The following ZNF423 variants were observed in gnomAD, a reference collection of about 807,000 sequenced individuals.
ZNF423 encodes zinc finger protein 423, also known as Ebf-associated zinc finger protein.
In ZNF423, 12 loss-of-function variants were observed where a neutral mutation model predicts 95.8. The ratio of observed to expected loss-of-function variants is 0.13; its 90% CI spans 0.08 to 0.20. The LOEUF is 0.20. Among genes scored for constraint, ZNF423 ranks in the 10% least tolerant of loss-of-function variants. The probability of loss-of-function intolerance (pLI) is 1.00; values close to 1 mark genes in which losing one functional copy is unlikely to be tolerated. For missense variants in ZNF423, 1,316 were observed against 1,737.1 expected (o/e 0.76, Z 4.31); for synonymous variants, 749 against 711.9 (o/e 1.05, Z -0.83).
At position 49,758,112 on chromosome 16, in the gene ZNF423, A is replaced by G. The variant is rs559687907; in HGVS notation, c.101-27141T>C. Among the ~76,000 whole-genome samples, 11 of 152,302 alleles carry G rather than the reference A, an allele frequency of 7.2e-5. 1 individual carries two copies. The highest frequency in any genetic ancestry group is 7.2e-4 in the Admixed American group (11 of 15,300). On this transcript the variant is annotated intron_variant, in intron 2 of 7. Transcript: ENST00000563137. ...TGGTTTACCCGGGAGCCTAATCACCAGAAGCTTCCAGATCAGGAATTGTTA... is the reference window on the plus strand; with the variant it reads ...TGGTTTACCCGGGAGCCTAATCACCGGAAGCTTCCAGATCAGGAATTGTTA...
intron 5 of ZNF423, among the ~76,000 whole-genome samples, chr16:49,532,000 G>A (rs1483981684): frequency 1.3e-5 from 2 of 152,212 alleles, no homozygotes; most frequent in East Asian, 3.8e-4. Flanking sequence ...GGGGCTTAGG[G>A]ACGCTGATAT....
chr16:49,582,270 C>T (rs1970698342), intron 5 of ZNF423, among the ~76,000 whole-genome samples: 1 of 152,164 alleles, frequency 6.6e-6, no homozygotes, highest in Non-Finnish European at 1.5e-5. Flanking sequence ...CCATGGCTTC[C>T]TTCCATATTG....
chr16:49,499,596 C>T lies in ZNF423; in HGVS notation c.3850-8292G>A, dbSNP rs188975517. 5.3e-5 allele frequency among the ~76,000 whole-genome samples: 8 copies of T among 152,298 alleles called. No individual in the cohort carries two copies. The East Asian group carries it at 1.5e-3, about 29-fold the overall frequency. Reference sequence around the variant, plus strand: ...TGATGCCAACCGGATCCAGGTTTTCCGTGTTCTTGAGATGCTCTATGGAGC... The same window carrying T: ...TGATGCCAACCGGATCCAGGTTTTCTGTGTTCTTGAGATGCTCTATGGAGC... On this transcript the variant is annotated intron_variant, in intron 7 of 7. Transcript: ENST00000563137.
At chr16:49,807,548 A>G (rs141816296) in intron 1 of ZNF423, among the ~76,000 whole-genome samples, 2 of 152,276 alleles carry the variant, frequency 1.3e-5, no homozygotes, top group East Asian at 1.9e-4. Flanking sequence ...GGCAAGCACA[A>G]TACTTCACGG....
chr16:49,551,294 C>G (rs1241178886), intron 5 of ZNF423, among the ~76,000 whole-genome samples: 1 of 152,202 alleles, frequency 6.6e-6, no homozygotes, highest in African/African-American at 2.4e-5. Context: ...GCTTTTCTGC[C>G]AAAAAGTTTC....
At position 49,800,575 on chromosome 16, in the gene ZNF423, G is replaced by GACAC. The variant is rs71138006; in HGVS notation, c.41-11033_41-11030dup. On this transcript the variant is annotated intron_variant, in intron 1 of 7. Transcript: ENST00000563137. Reference sequence around the variant, plus strand: ...AACTTCCCTGCAAGCACCTGGACATGACACACACACACACACACACACACT... The same window carrying GACAC: ...AACTTCCCTGCAAGCACCTGGACATGACACACACACACACACACACACACACACT... Among the ~76,000 whole-genome samples the GACAC allele has an allele frequency of 2.5e-4, 37 of 150,146 alleles. 1 individual carries two copies. The highest frequency in any genetic ancestry group is 3.5e-3 in the Middle Eastern group (1 of 288).
intron 3 of ZNF423, among the ~76,000 whole-genome samples, chr16:49,717,689 T>A (rs1235835430): frequency 6.6e-6 from 1 of 152,224 alleles, no homozygotes; most frequent in Non-Finnish European, 1.5e-5. Flanking sequence ...CTGTTTGATT[T>A]CAGCTGGTTA....
At chr16:49,658,253 C>T (rs1365429099) in intron 3 of ZNF423, among the ~76,000 whole-genome samples, 1 of 152,166 alleles carries the variant, frequency 6.6e-6, no homozygotes, top group African/African-American at 2.4e-5. Context: ...CGAGGGCGCA[C>T]CTTCATAGCT....
intron 5 of ZNF423, among the ~76,000 whole-genome samples, chr16:49,540,896 T>C (rs1331606682): frequency 6.6e-6 from 1 of 152,172 alleles, no homozygotes; most frequent in African/African-American, 2.4e-5. Context: ...GGGCTGTGCA[T>C]GTGCTGGTGG....
At chr16:49,854,367 C>A (rs1411967825) in intron 1 of ZNF423, 1 of 985,462 alleles carries the variant, frequency 1.0e-6, no homozygotes, top group Non-Finnish European at 1.2e-6. Flanking sequence ...ACAGAACTGA[C>A]GAGTGTCTCA....
At chr16:49,614,273 C>A (rs1240235491) in intron 5 of ZNF423, among the ~76,000 whole-genome samples, 1 of 152,088 alleles carries the variant, frequency 6.6e-6, no homozygotes, top group Admixed American at 6.6e-5. Context: ...ATCAGATTGG[C>A]TAAACTAAAC....
intron 2 of ZNF423, among the ~76,000 whole-genome samples, chr16:49,778,778 C>T (rs1222782512): frequency 4.6e-5 from 7 of 152,174 alleles, no homozygotes; most frequent in East Asian, 1.9e-4. Context: ...CCCATACAGA[C>T]GCAAAGCTCA....
intron 3 of ZNF423, among the ~76,000 whole-genome samples, chr16:49,723,787 C>A (rs906367162): frequency 9.9e-5 from 15 of 152,260 alleles, no homozygotes; most frequent in Admixed American, 7.8e-4. Flanking sequence ...GGATGGCCAC[C>A]TTTTCATCCT....
chr16:49,834,713 G>A (rs1002874981), intron 1 of ZNF423, among the ~76,000 whole-genome samples: 13 of 152,296 alleles, frequency 8.5e-5, no homozygotes, highest in African/African-American at 2.9e-4. Flanking sequence ...GCTGCCACTC[G>A]GAGCACGCTG....
Position 49,636,203 on chromosome 16 carries a change from C to T in ZNF423, c.2973G>A (p.Lys991=), listed in dbSNP as rs536539496. Residue 991 remains lysine (K), a synonymous_variant, in exon 4 of 8, where the codon AAG becomes AAA. Coordinates refer to ENST00000563137, the MANE Select transcript of ZNF423 (RefSeq NM_001379286.1). This position sits in a 1 kb window ranked among gnomAD's most constrained non-coding sequence, Gnocchi z 8.6. Reference sequence around the variant, plus strand: ...TGCGACAGGTGCCCGTGTCCAGGCTCTTGCTGTGGGTCACCTTGTGTTCGG... The same window carrying T: ...TGCGACAGGTGCCCGTGTCCAGGCTTTTGCTGTGGGTCACCTTGTGTTCGG... The part of the protein sequence containing the change: ...TLTEHKVTHS[K]SLDTGTCRIC... 3.1e-6 allele frequency: 5 copies of T among 1,613,442 alleles called. No individual in the cohort carries two copies. Among genetic ancestry groups the T allele is most frequent in the South Asian group, 2.2e-5 (2 of 91,082 alleles).
At position 49,635,914 on chromosome 16, in the gene ZNF423, C is replaced by T. The variant is rs758081642; in HGVS notation, c.3262G>A (p.Val1088Met). 1 of 1,584,592 alleles carries T rather than the reference C, an allele frequency of 6.3e-7. No individual in the cohort carries two copies. The highest frequency in any genetic ancestry group is 1.2e-5 in the South Asian group (1 of 85,424). The change falls in exon 4 of 8, where the codon GTG becomes ATG. Residue 1088 changes from valine (V) to methionine (M), a missense_variant. Transcript: ENST00000563137. The surrounding 1 kb of genome is among the most constrained non-coding windows in gnomAD (Gnocchi z 4.8). ...GGCAGCCCATTGACGTCAAGCTTCA[C>T]CAGGTCCTGCTTGCTGCGGAACTCC... The part of the protein sequence containing the change: ...LKEFRSKQDL[V>M]KLDVNGLPYG...
chr16:49,509,687 T>C (rs1271927540), intron 7 of ZNF423, among the ~76,000 whole-genome samples: 1 of 152,128 alleles, frequency 6.6e-6, no homozygotes, highest in Non-Finnish European at 1.5e-5. Flanking sequence ...CCCAGCCTCC[T>C]GATGCAGGCA....
chr16:49,513,257 C>A (rs1967971246), intron 7 of ZNF423, among the ~76,000 whole-genome samples: 2 of 152,156 alleles, frequency 1.3e-5, no homozygotes, highest in Non-Finnish European at 2.9e-5. Context: ...TGTCAGCCAG[C>A]AACTTCAGGC....
intron 7 of ZNF423, among the ~76,000 whole-genome samples, chr16:49,513,048 A>G (rs1259051649): frequency 6.6e-6 from 1 of 152,214 alleles, no homozygotes; most frequent in African/African-American, 2.4e-5. Context: ...GTGAGCCGAG[A>G]TCGTGTTACT....
Sources: allele counts gnomAD v4.1 joint callset (sites outside exome capture counted in the v4.1 genomes callset), GRCh38; gene constraint gnomAD v4.1.1; non-coding constraint Gnocchi (gnomAD v3.1); transcripts MANE v1.5; gene names NCBI Gene and HGNC (gene_info 2026-07-23, HGNC 2026-07-21).